The following FAM151B variants were observed in gnomAD, a reference collection of about 807,000 sequenced individuals.
FAM151B encodes the protein protein FAM151B.
Under a neutral mutation model 31.2 loss-of-function variants are expected in FAM151B, and 24 were observed. That is an observed-to-expected ratio of 0.77 (90% CI 0.56 to 1.08). The LOEUF is 1.08. Among genes scored for constraint, FAM151B ranks in the 50% least tolerant of loss-of-function variants. FAM151B has a pLI of 0.00. For synonymous variants in FAM151B, 105 were observed against 111.4 expected, an observed-to-expected ratio of 0.94 and a Z score of 0.36; for missense variants, 293 against 328.6, an observed-to-expected ratio of 0.89 and a Z score of 0.84.
chr5:80,535,383 T>C (rs1745446449), intron 5 of FAM151B, among the ~76,000 whole-genome samples: 1 of 152,296 alleles, frequency 6.6e-6, no homozygotes, highest in East Asian at 1.9e-4. Flanking sequence ...AACTGCATTG[T>C]ACTGGCATAA....
chr5:80,542,008 T>C lies in FAM151B; in HGVS notation c.*176T>C. ...ATGTCCTTATAATAGTGCACTTACA[T>C]AAAAGATTTGGAAAGAAGAGATTTA... On this transcript the variant is annotated 3_prime_UTR_variant, in exon 6 of 6. Transcript: ENST00000282226. The C allele has an allele frequency of 1.6e-6, 1 of 620,250 alleles. No individual in the cohort carries two copies. Among genetic ancestry groups the C allele is most frequent in the South Asian group, 2.4e-5 (1 of 41,280 alleles). 38.4% of individuals were successfully genotyped at this position (620,250 alleles called of 1,614,324 possible).
At chr5:80,519,951 A>G (rs758920683) in intron 4 of FAM151B, 41 bp downstream of exon 4, 4 of 1,547,070 alleles carry the variant, frequency 2.6e-6, no homozygotes, top group Non-Finnish European at 2.7e-6. Flanking sequence ...AAATTAAAAT[A>G]TCCTCCAGGT....
intron 1 of FAM151B, chr5:80,501,079 T>G (rs1319594142): frequency 2.4e-6 from 1 of 423,688 alleles, no homozygotes; most frequent in Non-Finnish European, 4.3e-6. Flanking sequence ...AGTGGCATGA[T>G]CTCAGCTCAC....
chr5:80,489,343 T>A (rs938629938), intron 1 of FAM151B, among the ~76,000 whole-genome samples: 3 of 152,208 alleles, frequency 2.0e-5, no homozygotes, highest in Admixed American at 1.3e-4. Context: ...TTTCTCTCTC[T>A]CTTTTTTAAG....
chr5:80,524,908 C>T (rs1324969643), intron 5 of FAM151B, among the ~76,000 whole-genome samples: 1 of 152,150 alleles, frequency 6.6e-6, no homozygotes, highest in African/African-American at 2.4e-5. Flanking sequence ...AGATCTTTAG[C>T]ATTTAAAATA....
chr5:80,506,115 T>C, intron 2 of FAM151B: 1 of 985,406 alleles, frequency 1.0e-6, no homozygotes, highest in Non-Finnish European at 1.2e-6. Context: ...TGGAAACTGG[T>C]TCCATTTGTA....
intron 2 of FAM151B, among the ~76,000 whole-genome samples, chr5:80,510,350 T>C (rs1299856997): frequency 6.6e-6 from 1 of 152,216 alleles, no homozygotes; most frequent in Non-Finnish European, 1.5e-5. Context: ...TCTCTCTCTA[T>C]GTGGTCTCTC....
chr5:80,488,111 G>A lies in FAM151B; in HGVS notation c.-13G>A, dbSNP rs745694441. 5 of 1,540,864 alleles carry A rather than the reference G, an allele frequency of 3.2e-6. No individual in the cohort carries two copies. The highest frequency in any genetic ancestry group is 2.4e-5 in the South Asian group (2 of 83,908). Reference sequence around the variant, plus strand: ...CAGCCTGGGCGCCTGCGCGGACGGCGGGCGTCGTCACCATGGCAGCATCCG... The same window carrying A: ...CAGCCTGGGCGCCTGCGCGGACGGCAGGCGTCGTCACCATGGCAGCATCCG... On this transcript the variant is annotated 5_prime_UTR_variant, in exon 1 of 6. Transcript: ENST00000282226.
At chr5:80,511,630 G>A (rs1045456571) in intron 2 of FAM151B, among the ~76,000 whole-genome samples, 1 of 151,806 alleles carries the variant, frequency 6.6e-6, no homozygotes, top group Non-Finnish European at 1.5e-5. Flanking sequence ...TTTTGAGACA[G>A]GAGTCTTGCT....
intron 2 of FAM151B, among the ~76,000 whole-genome samples, chr5:80,511,950 C>G (rs569264385): frequency 1.3e-5 from 2 of 152,280 alleles, no homozygotes; most frequent in African/African-American, 4.8e-5. Flanking sequence ...TTATAATTCA[C>G]TATGCTACAT....
chr5:80,525,679 A>G (rs934882915), intron 5 of FAM151B, among the ~76,000 whole-genome samples: 1 of 152,082 alleles, frequency 6.6e-6, no homozygotes, highest in Non-Finnish European at 1.5e-5. Context: ...GTAGAAGCTG[A>G]CGTACACTAT....
chr5:80,521,939 CTTTTA>C, intron 4 of FAM151B, 59 bp from the exon 5 acceptor site: 1 of 1,254,908 alleles, frequency 8.0e-7, no homozygotes, highest in Non-Finnish European at 1.1e-6. Flanking sequence ...GTAATTTAGT[CTTTTA>C]TTTAATTGTC....
intron 5 of FAM151B, among the ~76,000 whole-genome samples, chr5:80,537,306 G>A (rs753336327): frequency 1.2e-4 from 19 of 152,224 alleles, no homozygotes; most frequent in Non-Finnish European, 2.2e-4. Context: ...GGGGAGTGAA[G>A]CTAGGTGCTT....
intron 5 of FAM151B, 146 bp downstream of exon 5, chr5:80,522,284 C>T (rs192311393): frequency 2.7e-6 from 2 of 748,820 alleles, no homozygotes; most frequent in East Asian, 2.7e-5. Context: ...AGCGCACAGA[C>T]TCCCTCACCG....
At chr5:80,505,125 T>A (rs1033358422) in intron 2 of FAM151B, among the ~76,000 whole-genome samples, 1 of 152,212 alleles carries the variant, frequency 6.6e-6, no homozygotes, top group Non-Finnish European at 1.5e-5. Flanking sequence ...AGAATTGCAT[T>A]TGATAGAGAA....
chr5:80,538,478 CTTTCTTTCCTTCCTTCCTTCCTTTCT>C (rs1745682158), intron 5 of FAM151B, among the ~76,000 whole-genome samples: 3 of 122,472 alleles, frequency 2.4e-5, no homozygotes, highest in Admixed American at 8.6e-5. Context: ...TTCTTTCTTT[CTTTCTTTCCTTCCTTCCTTCCTTTCT>C]TTTCTTTCTT....
chr5:80,496,692 A>C (rs148763801), intron 1 of FAM151B, among the ~76,000 whole-genome samples: 1 of 152,280 alleles, frequency 6.6e-6, no homozygotes, highest in African/African-American at 2.4e-5. Flanking sequence ...GATGTTAAAA[A>C]TTGGGGAGCT....
At chr5:80,499,715 TTATATAA>T (rs1483763368) in intron 1 of FAM151B, among the ~76,000 whole-genome samples, 1 of 151,540 alleles carries the variant, frequency 6.6e-6, no homozygotes, top group Non-Finnish European at 1.5e-5. Flanking sequence ...AATTATTACA[TTATATAA>T]TATATAACAT....
intron 1 of FAM151B, chr5:80,498,677 A>T: frequency 1.6e-6 from 1 of 637,592 alleles, no homozygotes; most frequent in African/African-American, 1.8e-5. Context: ...CTTCCACCTT[A>T]TAGTATTTCA....
Sources: allele counts gnomAD v4.1 joint callset (sites outside exome capture counted in the v4.1 genomes callset), GRCh38; gene constraint gnomAD v4.1.1; transcripts MANE v1.5; gene names NCBI Gene and HGNC (gene_info 2026-07-23, HGNC 2026-07-21).